FANCD2: variants seen among roughly 807,000 people sequenced by gnomAD.
FANCD2 encodes Fanconi anemia group D2 protein.
In FANCD2, 131 loss-of-function variants were observed where a neutral mutation model predicts 192.3. The observed-to-expected ratio is 0.68, with a 90% confidence interval of 0.59 to 0.79. The LOEUF is 0.79. FANCD2 is among the 30% of genes least tolerant of loss of function. FANCD2 has a pLI of 0.00. For synonymous variants in FANCD2, 524 were observed against 612.5 expected (o/e 0.86, Z 2.13); for missense variants, 1,508 against 1,701.6 (o/e 0.89, Z 2.00).
chr3:10,034,394 G>T (rs940623619), intron 3 of FANCD2, 75 bp from the exon 4 acceptor site: 16 of 919,108 alleles, frequency 1.7e-5, no homozygotes, highest in Non-Finnish European at 2.6e-5. Context: ...GTTTCATCAG[G>T]CAAGAAACTT....
chr3:10,067,605 C>A (rs1413049023), intron 26 of FANCD2, among the ~76,000 whole-genome samples: 1 of 152,178 alleles, frequency 6.6e-6, no homozygotes, highest in Non-Finnish European at 1.5e-5. Context: ...CGAGACCAGC[C>A]TGGCCAACAT....
chr3:10,093,190 C>A, intron 38 of FANCD2, 95 bp from the exon 39 acceptor site: 1 of 877,426 alleles, frequency 1.1e-6, no homozygotes, highest in Non-Finnish European at 2.0e-6. Flanking sequence ...GAATTCTCTG[C>A]AGCACCCAAA....
chr3:10,100,617 C>A (rs761002381), intron 43 of FANCD2, among the ~76,000 whole-genome samples: 1 of 152,208 alleles, frequency 6.6e-6, no homozygotes, highest in Non-Finnish European at 1.5e-5. Flanking sequence ...GATGATCTAC[C>A]CACCTCAGCC....
rs1036198239 is a variant in FANCD2 at position 10,036,224 on chromosome 3, G to A, written c.439-63G>A. On this transcript the variant is annotated intron_variant, in intron 6 of 43. Transcript: ENST00000675286. ...GTGCCTCAGCCTCCCAAGTAGCTGG[G>A]ATTATACATTTCTATTGTGTATTTT... The A allele has an allele frequency of 7.2e-6, 10 of 1,398,530 alleles. No individual in the cohort carries two copies. The African/African-American group carries it at 1.4e-4, about 20-fold the overall frequency. The allele number at this position is 1,398,530 out of a possible 1,614,324, so 86.6% of individuals were successfully genotyped here.
chr3:10,031,380 G>A (rs1209287244), intron 2 of FANCD2, among the ~76,000 whole-genome samples: 5 of 152,010 alleles, frequency 3.3e-5, no homozygotes, highest in South Asian at 2.1e-4. Flanking sequence ...GTGTGCACCT[G>A]TAGTCCCAGC....
chr3:10,034,326 A>AAC, intron 3 of FANCD2, 143 bp from the exon 4 acceptor site: 1 of 262,094 alleles, frequency 3.8e-6, no homozygotes. Context: ...CTCCATCTCA[A>AAC]AAAAAAAAAA....
At chr3:10,084,858 A>G (rs1370502249) in intron 32 of FANCD2, among the ~76,000 whole-genome samples, 2 of 152,232 alleles carry the variant, frequency 1.3e-5, no homozygotes, top group African/African-American at 2.4e-5. Flanking sequence ...GATCACAGCC[A>G]TAATACAATG....
chr3:10,087,006 G>C (rs1419107189), intron 33 of FANCD2, 128 bp from the exon 34 acceptor site: 1 of 1,039,540 alleles, frequency 9.6e-7, no homozygotes, highest in South Asian at 1.3e-5. Flanking sequence ...TAAAGCACCT[G>C]AAAATAAGGA....
chr3:10,035,886 A>G (rs957843280), intron 6 of FANCD2, among the ~76,000 whole-genome samples: 1 of 152,066 alleles, frequency 6.6e-6, no homozygotes. Context: ...ATTGTATTTA[A>G]TAATATTTTA....
intron 18 of FANCD2, among the ~76,000 whole-genome samples, chr3:10,053,306 G>A (rs4501095): frequency 2.0e-5 from 3 of 149,958 alleles, no homozygotes; most frequent in African/African-American, 7.4e-5. Context: ...CATATTCTCA[G>A]TCATAGGTGG....
At chr3:10,034,643 C>G in intron 4 of FANCD2, 52 bp from the exon 5 acceptor site, 1 of 1,513,736 alleles carries the variant, frequency 6.6e-7, no homozygotes, top group Non-Finnish European at 9.1e-7. Flanking sequence ...TTTTTAACAG[C>G]AAATATTAAA....
intron 43 of FANCD2, chr3:10,099,393 TAGG>T: frequency 2.8e-6 from 3 of 1,067,802 alleles, no homozygotes; most frequent in Non-Finnish European, 3.5e-6. Flanking sequence ...GAGGCCAAGG[TAGG>T]AGGATTGCTT....
At chr3:10,028,834 A>C in intron 2 of FANCD2, 113 bp downstream of exon 2, 1 of 931,840 alleles carries the variant, frequency 1.1e-6, no homozygotes, top group South Asian at 1.3e-5. Flanking sequence ...TAATGAATGG[A>C]GTGCACAGAA....
chr3:10,072,118 A>C (rs9836605), intron 26 of FANCD2, among the ~76,000 whole-genome samples: 5,931 of 152,270 alleles, frequency 0.039, 391 homozygotes, highest in African/African-American at 0.14. Flanking sequence ...CTTACTGTAC[A>C]TTTAAAAATA....
chr3:10,092,349 C>T, intron 38 of FANCD2, 97 bp downstream of exon 38: 2 of 915,056 alleles, frequency 2.2e-6, no homozygotes, highest in Non-Finnish European at 3.6e-6. Context: ...TCTTCCCACT[C>T]TTCCTTGGGG....
intron 17 of FANCD2, 147 bp from the exon 18 acceptor site, chr3:10,052,240 A>G (rs1247386010): frequency 1.5e-6 from 1 of 664,232 alleles, no homozygotes; most frequent in Admixed American, 2.3e-5. Flanking sequence ...AGCTTTTAGA[A>G]CTTGAGCTTT....
intron 19 of FANCD2, among the ~76,000 whole-genome samples, chr3:10,061,827 G>A (rs2087576168): frequency 6.6e-6 from 1 of 152,022 alleles, no homozygotes; most frequent in South Asian, 2.1e-4. Context: ...TAAACTTATT[G>A]GCAGTTGTTA....
chr3:10,057,735 C>G (rs1343586938), intron 18 of FANCD2, among the ~76,000 whole-genome samples: 1 of 152,080 alleles, frequency 6.6e-6, no homozygotes, highest in Non-Finnish European at 1.5e-5. Flanking sequence ...CTAATCATAT[C>G]TTTAGAAGGG....
chr3:10,084,547 G>T (rs919092359), intron 32 of FANCD2, among the ~76,000 whole-genome samples: 2 of 150,662 alleles, frequency 1.3e-5, no homozygotes, highest in Non-Finnish European at 3.0e-5. Context: ...TGATCCACCC[G>T]CCTCAGCCTC....
Sources: allele counts gnomAD v4.1 joint callset (sites outside exome capture counted in the v4.1 genomes callset), GRCh38; gene constraint gnomAD v4.1.1; transcripts MANE v1.5; gene names NCBI Gene and HGNC (gene_info 2026-07-23, HGNC 2026-07-21).